The following DLD variants were observed in gnomAD, a reference collection of about 807,000 sequenced individuals.
DLD encodes dihydrolipoamide dehydrogenase.
Under a neutral mutation model 62.2 loss-of-function variants are expected in DLD, and 36 were observed. The ratio of observed to expected loss-of-function variants is 0.58; its 90% confidence interval spans 0.44 to 0.76. DLD has a LOEUF of 0.76. Ranked by LOEUF, DLD falls within the 30% of genes least tolerant of loss-of-function variation. DLD has a pLI of 0.00. For missense variants in DLD, 541 were observed against 608.6 expected (o/e 0.89, Z 1.17); for synonymous variants, 204 against 199.6 (o/e 1.02, Z -0.19).
In DLD at chr7:107,903,545, A is replaced by G; in HGVS notation, c.335A>G (p.Glu112Gly). 6.3e-7 allele frequency: 1 copy of G among 1,576,170 alleles called. No homozygotes were observed. The highest frequency in any genetic ancestry group is 1.1e-5 in the South Asian group (1 of 90,138). ...HGKDFASRGI[E>G]MSEVRLNLDK... ...AAAGATTTTGCATCTAGAGGAATTG[A>G]AAGTAAGTATACTTTTCATGCTTAA... Residue 112 changes from glutamate to glycine, a missense_variant and splice_region_variant, in exon 5 of 14, where the codon GAA becomes GGA. By Grantham distance (98) the Glu-to-Gly change is moderately conservative (BLOSUM62 -2). Transcript: ENST00000205402.
chr7:107,898,363 G>A (rs1034114837), intron 2 of DLD, among the ~76,000 whole-genome samples: 5 of 137,798 alleles, frequency 3.6e-5, no homozygotes, highest in African/African-American at 1.4e-4. Flanking sequence ...TCACTGCGAC[G>A]TCCCCCTCCT....
chr7:107,897,173 T>C (rs191995090), intron 2 of DLD, among the ~76,000 whole-genome samples: 16 of 152,318 alleles, frequency 1.1e-4, no homozygotes, highest in Admixed American at 1.0e-3. Flanking sequence ...ATGTGCCTCT[T>C]TTTTCTCACT....
At chr7:107,906,802 T>C (rs1013403163) in intron 8 of DLD, among the ~76,000 whole-genome samples, 4 of 152,214 alleles carry the variant, frequency 2.6e-5, no homozygotes, top group African/African-American at 7.2e-5. Context: ...CTTGCATTTC[T>C]TTGAACACCA....
At chr7:107,903,300 C>G (rs374871981) in intron 4 of DLD, among the ~76,000 whole-genome samples, 178 bp from the exon 5 acceptor site, 1 of 152,234 alleles carries the variant, frequency 6.6e-6, no homozygotes, top group South Asian at 2.1e-4. Context: ...ATTGCTTGAG[C>G]CCGGGAGGCG....
intron 8 of DLD, among the ~76,000 whole-genome samples, chr7:107,911,634 A>G (rs112229139): frequency 6.6e-6 from 1 of 151,562 alleles, no homozygotes; most frequent in African/African-American, 2.4e-5. Flanking sequence ...TGGTATTGTC[A>G]TTTTTTTTTA....
chr7:107,899,699 G>A (rs932468511), intron 2 of DLD, among the ~76,000 whole-genome samples: 10 of 151,896 alleles, frequency 6.6e-5, no homozygotes, highest in African/African-American at 2.4e-4. Flanking sequence ...TATAAAATAT[G>A]GCAAAAATTG....
upstream of DLD, chr7:107,891,139 G>T: frequency 1.5e-6 from 2 of 1,378,090 alleles, no homozygotes; most frequent in Non-Finnish European, 2.0e-6. Context: ...CTGCTCCCGG[G>T]TGATGACGTA....
chr7:107,895,165 A>T (rs115220480), intron 2 of DLD, among the ~76,000 whole-genome samples: 2,077 of 152,266 alleles, frequency 0.014, 38 homozygotes, highest in African/African-American at 0.048. Context: ...TGGCCTTTCT[A>T]CTACCTGTGT....
In DLD at chr7:107,897,461, T is replaced by C. The variant is rs535372614; in HGVS notation, c.118+4183T>C. Among the ~76,000 whole-genome samples, 3 of 152,304 alleles carry C rather than the reference T, an allele frequency of 2.0e-5. No individual in the cohort carries two copies. In the South Asian group the frequency reaches 6.2e-4, roughly 32 times the overall value. The stretch of plus-strand genomic sequence containing the variant: ...CCTTTTCTTCCTCTGTTAATGGTAG[T>C]ATTAAACTATGTCATAGAAATGTAA... On this transcript the variant is annotated intron_variant, in intron 2 of 13. Coordinates refer to ENST00000205402, the MANE Select transcript of DLD (RefSeq NM_000108.5).
intron 5 of DLD, chr7:107,904,584 T>G (rs2031956906): frequency 2.4e-6 from 1 of 413,514 alleles, no homozygotes; most frequent in East Asian, 7.0e-5. Context: ...TTGTTTTGTT[T>G]CATGAAATCT....
intron 10 of DLD, 21 bp downstream of exon 10, chr7:107,916,985 C>T (rs1369409824): frequency 6.8e-6 from 11 of 1,609,422 alleles, no homozygotes; most frequent in Admixed American, 6.7e-5. Context: ...TAATTGTCTG[C>T]ATTTTCAGTA....
At chr7:107,919,141 T>C (rs1182410662) in intron 13 of DLD, 42 bp downstream of exon 13, 2 of 1,612,218 alleles carry the variant, frequency 1.2e-6, no homozygotes, top group African/African-American at 2.7e-5. Context: ...TGCCTAAATT[T>C]TCTTCTGACC....
At chr7:107,911,687 T>TG (rs1190764914) in intron 8 of DLD, among the ~76,000 whole-genome samples, 2 of 151,492 alleles carry the variant, frequency 1.3e-5, no homozygotes, top group Non-Finnish European at 2.9e-5. Context: ...TAACTCACTG[T>TG]GGGGTTTTTT....
At chr7:107,896,499 A>G (rs2031728939) in intron 2 of DLD, among the ~76,000 whole-genome samples, 1 of 152,226 alleles carries the variant, frequency 6.6e-6, no homozygotes, top group African/African-American at 2.4e-5. Context: ...TTTGGAACCC[A>G]GGTCTGTTTT....
intron 9 of DLD, among the ~76,000 whole-genome samples, chr7:107,916,200 G>T (rs1347766908): frequency 6.6e-6 from 1 of 152,074 alleles, no homozygotes; most frequent in Non-Finnish European, 1.5e-5. Context: ...ACAGCTAGTG[G>T]GTGGCAGTCA....
chr7:107,903,443 A>G (rs1470922502), intron 4 of DLD, 35 bp from the exon 5 acceptor site: 1 of 1,241,802 alleles, frequency 8.1e-7, no homozygotes, highest in South Asian at 1.2e-5. Flanking sequence ...CTGTTTATGA[A>G]TATTTGATAA....
At position 107,901,918 on chromosome 7, in the gene DLD, C is replaced by T. The variant is rs546814578; in HGVS notation, c.198+101C>T. 2.1e-5 allele frequency: 19 copies of T among 906,574 alleles called. No individual in the cohort carries two copies. The East Asian group carries it at 4.5e-4, about 21-fold the overall frequency. 56.2% of individuals were successfully genotyped at this position (906,574 alleles called of 1,614,324 possible). On this transcript the variant is annotated intron_variant, in intron 3 of 13. Coordinates refer to ENST00000205402, the MANE Select transcript of DLD (RefSeq NM_000108.5). Reference sequence around the variant, plus strand: ...CAGGCAAAAACATGGTAAATACTTCCTTAACTCTATAAATTACTTGTAAGC... The same window carrying T: ...CAGGCAAAAACATGGTAAATACTTCTTTAACTCTATAAATTACTTGTAAGC...
chr7:107,917,125 T>C, intron 10 of DLD, 148 bp from the exon 11 acceptor site: 1 of 1,203,310 alleles, frequency 8.3e-7, no homozygotes, highest in East Asian at 2.5e-5. Flanking sequence ...TACTCAAAGA[T>C]AAGCTGAATT....
Position 107,903,565 on chromosome 7 carries a change from G to A in DLD, c.337+18G>A. On this transcript the variant is annotated intron_variant, in intron 5 of 13. Transcript: ENST00000205402. ...AATTGAAAGTAAGTATACTTTTCATGCTTAATGATATTACCAGACTGCTTG... is the reference window on the plus strand; with the variant it reads ...AATTGAAAGTAAGTATACTTTTCATACTTAATGATATTACCAGACTGCTTG... 1 of 1,478,316 alleles carries A rather than the reference G, an allele frequency of 6.8e-7. No individual in the cohort carries two copies. The highest frequency in any genetic ancestry group is 2.3e-5 in the East Asian group (1 of 43,952). 91.6% of individuals were successfully genotyped at this position (1,478,316 alleles called of 1,614,324 possible).
Sources: gnomAD v4.1 joint callset for allele counts (sites outside exome capture counted in the v4.1 genomes callset) on GRCh38, gnomAD v4.1.1 for gene constraint, MANE v1.5 for transcripts, NCBI Gene and HGNC (gene_info 2026-07-23, HGNC 2026-07-21) for gene names.